Variants in GRID2 observed in about 807,000 individuals in gnomAD.
The protein encoded by GRID2 is glutamate receptor ionotropic, delta-2.
GRID2 carries 33 observed loss-of-function variants against 114.8 expected under a neutral mutation model. The observed-to-expected ratio is 0.29, with a 90% CI of 0.22 to 0.38. GRID2 has a LOEUF of 0.38. Among genes scored for constraint, GRID2 ranks in the 10% least tolerant of loss-of-function variants. GRID2 has a pLI of 1.00. For synonymous variants in GRID2, 505 were observed against 449.9 expected (o/e 1.12, Z -1.55); for missense variants, 1,184 against 1,257.7 (o/e 0.94, Z 0.89).
intron 13 of GRID2, among the ~76,000 whole-genome samples, chr4:93,573,401 C>T (rs772547539): frequency 1.3e-5 from 2 of 152,160 alleles, no homozygotes; most frequent in Non-Finnish European, 2.9e-5. Flanking sequence ...TCTTTTTAAA[C>T]AAAGAAGACT....
intron 1 of GRID2, among the ~76,000 whole-genome samples, chr4:92,378,350 C>T (rs60824006): frequency 0.026 from 4,004 of 152,058 alleles, 176 homozygotes; most frequent in African/African-American, 0.091. Context: ...GGATTGACAA[C>T]ACTTTTTTGT....
At chr4:93,144,950 A>G (rs1392011366) in intron 4 of GRID2, among the ~76,000 whole-genome samples, 1 of 151,720 alleles carries the variant, frequency 6.6e-6, no homozygotes, top group Non-Finnish European at 1.5e-5. Flanking sequence ...TCTGAACCAC[A>G]GGCCAAAACA....
At chr4:93,047,116 C>A (rs1024683194) in intron 2 of GRID2, among the ~76,000 whole-genome samples, 1 of 151,734 alleles carries the variant, frequency 6.6e-6, no homozygotes, top group Non-Finnish European at 1.5e-5. Context: ...AGATTAATAC[C>A]AAAATGAAAC....
intron 1 of GRID2, among the ~76,000 whole-genome samples, chr4:92,531,793 T>G (rs951709307): frequency 6.6e-6 from 1 of 152,182 alleles, no homozygotes; most frequent in Middle Eastern, 3.4e-3. Flanking sequence ...TCAGTTTTTT[T>G]TCTTCATTTT....
At chr4:92,899,778 T>C (rs1370712278) in intron 2 of GRID2, among the ~76,000 whole-genome samples, 3 of 152,164 alleles carry the variant, frequency 2.0e-5, no homozygotes, top group Non-Finnish European at 1.5e-5. Flanking sequence ...ATCTCTACTT[T>C]TGTGGAAGAG....
intron 1 of GRID2, among the ~76,000 whole-genome samples, chr4:93,788,481 G>GTA (rs1004065352): frequency 2.6e-5 from 4 of 151,954 alleles, no homozygotes; most frequent in African/African-American, 4.8e-5. Context: ...CACAATGTGA[G>GTA]TATATATATA....
At chr4:92,941,418 C>T (rs1751120349) in intron 2 of GRID2, among the ~76,000 whole-genome samples, 1 of 151,976 alleles carries the variant, frequency 6.6e-6, no homozygotes, top group Admixed American at 6.6e-5. Flanking sequence ...GGTGATATCC[C>T]CTTTATCATT....
chr4:92,350,542 A>G (rs1161572761), intron 1 of GRID2, among the ~76,000 whole-genome samples: 1 of 151,650 alleles, frequency 6.6e-6, no homozygotes, highest in Admixed American at 6.6e-5. Context: ...GCCTATCTTC[A>G]ATATTTATCT....
At chr4:92,323,221 A>G (rs1053233524) in intron 1 of GRID2, among the ~76,000 whole-genome samples, 4 of 152,172 alleles carry the variant, frequency 2.6e-5, no homozygotes, top group African/African-American at 9.6e-5. Context: ...ACAGAACTCT[A>G]TTATAAAGTA....
At chr4:93,194,207 AAAAC>A (rs1174626251) in intron 4 of GRID2, among the ~76,000 whole-genome samples, 3 of 152,214 alleles carry the variant, frequency 2.0e-5, no homozygotes, top group African/African-American at 7.2e-5. Flanking sequence ...TGAAAAAAGA[AAAAC>A]AAAACATGGT....
chr4:93,238,599 G>C, intron 8 of GRID2, 109 bp downstream of exon 8: 1 of 802,520 alleles, frequency 1.2e-6, no homozygotes, highest in Non-Finnish European at 1.9e-6. Flanking sequence ...ATTGTAGTGT[G>C]AAAGAGAAAG....
chr4:92,667,768 A>G (rs996466143), intron 2 of GRID2, among the ~76,000 whole-genome samples: 2 of 151,746 alleles, frequency 1.3e-5, no homozygotes, highest in East Asian at 1.9e-4. Flanking sequence ...TTAATTCCTT[A>G]TTAAAGTAAA....
rs373227888 is a variant in GRID2, at chr4:93,423,863, G to A, written c.1545+895G>A. On this transcript the variant is annotated intron_variant, in intron 10 of 15. Transcript: ENST00000282020. ...GGTTTAGGTTTATAACTTACTGTTTGGTTTATATGTATACCATTTTTTTCT... is the reference window on the plus strand; with the variant it reads ...GGTTTAGGTTTATAACTTACTGTTTAGTTTATATGTATACCATTTTTTTCT... Among the ~76,000 whole-genome samples the A allele has an allele frequency of 4.9e-4, 75 of 151,794 alleles. 1 individual carries two copies. Among genetic ancestry groups the A allele is most frequent in the African/African-American group, 1.8e-3 (73 of 41,416 alleles).
chr4:93,446,993 A>G (rs1255417896), intron 10 of GRID2, among the ~76,000 whole-genome samples: 2 of 151,992 alleles, frequency 1.3e-5, no homozygotes, highest in Middle Eastern at 3.4e-3. Flanking sequence ...TATATACAAC[A>G]TAAGTAATAC....
chr4:93,407,675 A>C (rs1560588242), intron 9 of GRID2, among the ~76,000 whole-genome samples: 1 of 130,650 alleles, frequency 7.7e-6, no homozygotes, highest in Non-Finnish European at 1.5e-5. Flanking sequence ...AATTTTTCAG[A>C]ATTTTTTTTT....
At chr4:92,978,798 G>A (rs1024013814) in intron 2 of GRID2, among the ~76,000 whole-genome samples, 5 of 152,090 alleles carry the variant, frequency 3.3e-5, no homozygotes, top group Admixed American at 6.5e-5. Flanking sequence ...TTGGGAGGCC[G>A]AGATAGGAGA....
chr4:92,521,438 A>G (rs1253682905), intron 1 of GRID2, among the ~76,000 whole-genome samples: 1 of 152,008 alleles, frequency 6.6e-6, no homozygotes, highest in Admixed American at 6.6e-5. Context: ...GCTAAAATAA[A>G]TGAGTTATTA....
chr4:93,356,645 T>G (rs1273614440), intron 8 of GRID2, among the ~76,000 whole-genome samples: 2 of 151,940 alleles, frequency 1.3e-5, no homozygotes, highest in Non-Finnish European at 2.9e-5. Flanking sequence ...TGTTGTAGAT[T>G]CATTCTAATT....
At chr4:93,294,461 AGTGT>A (rs978631272) in intron 8 of GRID2, among the ~76,000 whole-genome samples, 1 of 151,724 alleles carries the variant, frequency 6.6e-6, no homozygotes, top group East Asian at 1.9e-4. Flanking sequence ...AGAGAGAGAG[AGTGT>A]GTGTGTGTGT....
Sources: gnomAD v4.1 joint callset for allele counts (sites outside exome capture counted in the v4.1 genomes callset) on GRCh38, gnomAD v4.1.1 for gene constraint, MANE v1.5 for transcripts, NCBI Gene and HGNC (gene_info 2026-07-23, HGNC 2026-07-21) for gene names.